The following MYOF variants were observed in gnomAD, a reference collection of about 807,000 sequenced individuals.
MYOF encodes the protein fer-1-like 3, myoferlin.
A neutral mutation model predicts 284.2 loss-of-function variants in MYOF; 244 were observed. The observed-to-expected ratio is 0.86, with a 90% CI of 0.77 to 0.95. The LOEUF (loss-of-function observed/expected upper bound fraction) is 0.95. MYOF is among the 40% of genes least tolerant of loss of function. The pLI is 0.00. For missense variants in MYOF, 2,496 were observed against 2,560.6 expected, an observed-to-expected ratio of 0.97 and a Z score of 0.54; for synonymous variants, 904 against 919.7, an observed-to-expected ratio of 0.98 and a Z score of 0.31.
chr10:93,312,072 T>C (rs1842413655), intron 51 of MYOF, among the ~76,000 whole-genome samples: 1 of 152,244 alleles, frequency 6.6e-6, no homozygotes, highest in South Asian at 2.1e-4. Flanking sequence ...TTTAAATGAA[T>C]ACAGTTTATG....
At position 93,381,297 on chromosome 10, in the gene MYOF, C is replaced by T. The variant is rs1213398861; in HGVS notation, c.1798G>A (p.Gly600Arg). 6.2e-7 allele frequency: 1 copy of T among 1,614,186 alleles called. No homozygotes were observed. The highest frequency in any genetic ancestry group is 2.2e-5 in the East Asian group (1 of 44,878). Residue 600 changes from glycine (G) to arginine (R), a missense_variant, in exon 20 of 54, where the codon GGG becomes AGG. Transcript: ENST00000359263. ...GTGTCAAACTTGTTGCCATAGTTCC[C>T]AATGCTGACTTCAAACTGAATGGCC... ...GEAIQFEVSIGNYGNKFDTTC... is the reference protein window; with the variant it reads ...GEAIQFEVSIRNYGNKFDTTC...
chr10:93,326,032 G>A lies in MYOF; in HGVS notation c.5132-67C>T, dbSNP rs1039603821. 18 of 1,593,486 alleles carry A rather than the reference G, an allele frequency of 1.1e-5. No homozygotes were observed. In the East Asian group the frequency reaches 2.9e-4, roughly 26 times the overall value. On this transcript the variant is annotated intron_variant, in intron 45 of 53. Coordinates refer to ENST00000359263, the MANE Select transcript of MYOF (RefSeq NM_013451.4). ...GAATAGTTCAGCCAGATTGCCTAGA[G>A]CTGCTTCCAGCACTTCATCCCAGAC...
At chr10:93,327,986 T>A (rs927320768) in intron 45 of MYOF, among the ~76,000 whole-genome samples, 2 of 152,116 alleles carry the variant, frequency 1.3e-5, no homozygotes, top group African/African-American at 4.8e-5. Flanking sequence ...GTCAGGCTGG[T>A]CTTGAACTCC....
Position 93,310,540 on chromosome 10 carries a change from A to T in MYOF, c.5993T>A (p.Leu1998Ter). The T allele has an allele frequency of 6.2e-7, 1 of 1,614,084 alleles. No homozygotes were observed. The highest frequency in any genetic ancestry group is 8.5e-7 in the Non-Finnish European group (1 of 1,179,972). The part of the protein sequence containing the change: ...DEPNMNPKLD[L>*]PNRPETSFLW... ...AACAAAGAAGGCCTCTCACTTTGGTAAGTCCAGCTTGGGGTTCATGTTGGG... is the reference window on the plus strand; with the variant it reads ...AACAAAGAAGGCCTCTCACTTTGGTTAGTCCAGCTTGGGGTTCATGTTGGG... The change falls in exon 52 of 54, where the codon TTA becomes TAA. Residue 1998 changes from leucine to a stop codon, truncating the protein, a stop_gained. Coordinates refer to ENST00000359263, the MANE Select transcript of MYOF (RefSeq NM_013451.4). LOFTEE classifies it high-confidence loss of function.
chr10:93,350,088 T>G, intron 35 of MYOF, 119 bp from the exon 36 acceptor site: 1 of 1,043,216 alleles, frequency 9.6e-7, no homozygotes, highest in South Asian at 1.7e-5. Flanking sequence ...AACATTATCC[T>G]AGTAAGCTTG....
intron 19 of MYOF, 101 bp downstream of exon 19, chr10:93,387,696 C>A: frequency 1.2e-6 from 1 of 857,948 alleles, no homozygotes; most frequent in African/African-American, 1.7e-5. Flanking sequence ...AGATGAGGGC[C>A]TCATTGTGAG....
In MYOF at chr10:93,453,920, T is replaced by A. The variant is rs2985078; in HGVS notation, c.145-1779A>T. Among the ~76,000 whole-genome samples the A allele has an allele frequency of 2.6e-5, 4 of 151,928 alleles. No individual in the cohort carries two copies. The South Asian group carries it at 6.2e-4, about 24-fold the overall frequency. On this transcript the variant is annotated intron_variant, in intron 2 of 53. Coordinates refer to ENST00000359263, the MANE Select transcript of MYOF (RefSeq NM_013451.4). ...AAAAAGAGCCGGGCGCAGTGGCTCA[T>A]GCCTGTAATCCCAGCACTTTGGGAG...
chr10:93,337,959 T>G, intron 39 of MYOF, 46 bp from the exon 40 acceptor site: 2 of 1,359,828 alleles, frequency 1.5e-6, no homozygotes, highest in Non-Finnish European at 2.1e-6. Context: ...TGTCCTGGAT[T>G]TCCAATCGAT....
intron 10 of MYOF, among the ~76,000 whole-genome samples, 166 bp from the exon 11 acceptor site, chr10:93,402,513 C>A (rs1292494325): frequency 6.6e-6 from 1 of 152,116 alleles, no homozygotes; most frequent in Non-Finnish European, 1.5e-5. Context: ...TGTACTCTCC[C>A]TACACCCCAC....
intron 22 of MYOF, among the ~76,000 whole-genome samples, chr10:93,377,060 C>G (rs1845868379): frequency 6.6e-6 from 1 of 151,960 alleles, no homozygotes; most frequent in Non-Finnish European, 1.5e-5. Context: ...CCATCCCTTG[C>G]CTGAGGCTGC....
intron 1 of MYOF, among the ~76,000 whole-genome samples, chr10:93,464,035 T>C (rs1206164155): frequency 6.6e-6 from 1 of 152,178 alleles, no homozygotes; most frequent in Non-Finnish European, 1.5e-5. Flanking sequence ...GCTGTCGAGG[T>C]ATTTTGTAGA....
chr10:93,323,872 A>T lies in MYOF; in HGVS notation c.5272-514T>A, dbSNP rs922646933. ...TTTCTCTACTTACCTCAAAATATAAAATCAAAGTAATGAATGCAATTAGTG... is the reference window on the plus strand; with the variant it reads ...TTTCTCTACTTACCTCAAAATATAATATCAAAGTAATGAATGCAATTAGTG... On this transcript the variant is annotated intron_variant, in intron 46 of 53. Transcript: ENST00000359263. Among the ~76,000 whole-genome samples the T allele has an allele frequency of 1.7e-4, 26 of 152,256 alleles. 1 individual carries two copies. Among genetic ancestry groups the T allele is most frequent in the African/African-American group, 6.3e-4 (26 of 41,460 alleles).
intron 25 of MYOF, 54 bp downstream of exon 25, chr10:93,369,591 A>G: frequency 6.2e-7 from 1 of 1,606,990 alleles, no homozygotes; most frequent in East Asian, 2.2e-5. Flanking sequence ...GTGAAAAGTA[A>G]AAGTGCCCCT....
chr10:93,369,265 G>GTA (rs1554847578), intron 25 of MYOF, among the ~76,000 whole-genome samples: 2,402 of 147,194 alleles, frequency 0.016, 56 homozygotes, highest in African/African-American at 0.054. Context: ...GTTGGTGTGT[G>GTA]TGTGTGTGTG....
chr10:93,333,847 C>T lies in MYOF; in HGVS notation c.4630G>A (p.Glu1544Lys), dbSNP rs1321363220. The change falls in exon 42 of 54, where the codon GAA becomes AAA. Residue 1544 changes from glutamate (E) to lysine (K), a missense_variant. Coordinates refer to ENST00000359263, the MANE Select transcript of MYOF (RefSeq NM_013451.4). ...SVPAPPRQFR[E>K]LPDSVPQECT... is the part of the protein sequence containing the mutation. ...TCCTGTGGGACGCTGTCAGGTAATT[C>T]CCGAAACTGTCTGGGAGGGGCTGGC... 31 of 1,614,042 alleles carry T rather than the reference C, an allele frequency of 1.9e-5. 2 individuals are homozygous for T. In the South Asian group the frequency reaches 3.0e-4, roughly 15 times the overall value.
chr10:93,329,618 A>G lies in MYOF; in HGVS notation c.4982+46T>C, dbSNP rs374619601. 258 of 1,607,058 alleles carry G rather than the reference A, an allele frequency of 1.6e-4. No individual in the cohort carries two copies. The Middle Eastern group carries it at 1.7e-3, about 11-fold the overall frequency. The stretch of plus-strand genomic sequence containing the variant: ...AGGGCCTAGGCCTCCCCAGGTGCCA[A>G]TGTCAGAGGCAGCAAAGTGCCTCTT... On this transcript the variant is annotated intron_variant, in intron 44 of 53. Transcript: ENST00000359263.
At chr10:93,391,395 C>T (rs541017284) in intron 17 of MYOF, among the ~76,000 whole-genome samples, 14 of 151,862 alleles carry the variant, frequency 9.2e-5, no homozygotes, top group African/African-American at 2.7e-4. Context: ...AGTTCTAGAC[C>T]AGCCTGGCCA....
chr10:93,368,590 G>A (rs984104333), intron 25 of MYOF, among the ~76,000 whole-genome samples: 1 of 152,232 alleles, frequency 6.6e-6, no homozygotes, highest in Non-Finnish European at 1.5e-5. Flanking sequence ...ATGGAGGAAT[G>A]AATGGTTGGG....
intron 43 of MYOF, among the ~76,000 whole-genome samples, chr10:93,331,340 C>T (rs182871976): frequency 3.9e-5 from 6 of 152,244 alleles, no homozygotes; most frequent in Admixed American, 3.9e-4. Flanking sequence ...TTGGCTCCAC[C>T]CTGCTGGATG....
Sources: allele counts gnomAD v4.1 joint callset (sites outside exome capture counted in the v4.1 genomes callset), GRCh38; gene constraint gnomAD v4.1.1; transcripts MANE v1.5; gene names NCBI Gene and HGNC (gene_info 2026-07-23, HGNC 2026-07-21).